The following CYP4F8 variants were observed in gnomAD, a reference collection of about 807,000 sequenced individuals.
CYP4F8 encodes cytochrome P450 family 4 subfamily F member 8, also known as cytochrome P450 4F8.
A neutral mutation model predicts 55.0 loss-of-function variants in CYP4F8; 56 were observed. That is an observed-to-expected ratio of 1.02 (90% CI 0.82 to 1.27). The LOEUF (loss-of-function observed/expected upper bound fraction) is 1.27. CYP4F8 is among the 50% of genes most tolerant of loss of function. The probability of loss-of-function intolerance (pLI) is 0.00; values close to 1 mark genes in which losing one functional copy is unlikely to be tolerated. For synonymous variants in CYP4F8, 288 were observed against 267.3 expected, an observed-to-expected ratio of 1.08 and a Z score of -0.76; for missense variants, 680 against 682.4, an observed-to-expected ratio of 1.00 and a Z score of 0.04.
intron 6 of CYP4F8, 37 bp downstream of exon 6, chr19:15,622,377 A>C (rs2144606448): frequency 1.0e-6 from 1 of 979,512 alleles, no homozygotes; most frequent in African/African-American, 2.0e-5. Context: ...CATGGGATGG[A>C]GTGGGGGTGT....
Sources: allele counts gnomAD v4.1 joint callset, GRCh38; gene constraint gnomAD v4.1.1; transcripts MANE v1.5; gene names NCBI Gene and HGNC (gene_info 2026-07-23, HGNC 2026-07-21).